The following PAPPA variants were observed in gnomAD, a reference collection of about 807,000 sequenced individuals.
PAPPA encodes pappalysin-1.
A neutral mutation model predicts 164.0 loss-of-function variants in PAPPA; 60 were observed. The observed-to-expected ratio is 0.37, with a 90% CI of 0.30 to 0.45. PAPPA has a LOEUF of 0.45. Ranked by LOEUF, PAPPA falls within the 20% of genes least tolerant of loss-of-function variation. PAPPA has a pLI of 1.00. For synonymous variants in PAPPA, 875 were observed against 814.1 expected (o/e 1.07, Z -1.27); for missense variants, 1,782 against 2,087.3 (o/e 0.85, Z 2.85).
rs548954812 is a variant in PAPPA at position 116,399,112 on chromosome 9, C to G, written c.*2496C>G. ...CCACAGAAGAACCTTACCAGCTTCC[C>G]TCAAATCAGTCCTTATCCTCTTTCT... On this transcript the variant is annotated 3_prime_UTR_variant, in exon 22 of 22. Transcript: ENST00000328252. 3 of 166,158 alleles carry G rather than the reference C, an allele frequency of 1.8e-5. No individual in the cohort carries two copies. Among genetic ancestry groups the G allele is most frequent in the Non-Finnish European group, 3.9e-5 (3 of 77,136 alleles). The allele number at this position is 166,158 out of a possible 1,614,324, so 10.3% of individuals were successfully genotyped here. A position where few individuals can be genotyped will look rare whatever the true frequency, so the allele number is the denominator to read the frequency against.
chr9:116,301,530 G>A (rs1268549151), intron 9 of PAPPA, among the ~76,000 whole-genome samples: 1 of 152,192 alleles, frequency 6.6e-6, no homozygotes, highest in African/African-American at 2.4e-5. Flanking sequence ...GCCACATTGA[G>A]GTTTTTCCTT....
Position 116,154,614 on chromosome 9 carries a change from T to C in PAPPA, c.415+27T>C. On this transcript the variant is annotated intron_variant, in intron 1 of 21. Coordinates refer to ENST00000328252, the MANE Select transcript of PAPPA (RefSeq NM_002581.5). The surrounding 1 kb of genome is among the most constrained non-coding windows in gnomAD (Gnocchi z 5.2). ...TAGGTGAGGGCGCCTCGGCGGGCGC[T>C]GCACCGTCCCTGCGGCCCCAGAGGC... 1.5e-6 allele frequency: 2 copies of C among 1,302,554 alleles called. No individual in the cohort carries two copies. The highest frequency in any genetic ancestry group is 2.0e-6 in the Non-Finnish European group (2 of 1,025,398). 80.7% of individuals were successfully genotyped at this position (1,302,554 alleles called of 1,614,324 possible). A position where few individuals can be genotyped will look rare whatever the true frequency, so the allele number is the denominator to read the frequency against.
At chr9:116,259,020 C>A (rs141507198) in intron 7 of PAPPA, among the ~76,000 whole-genome samples, 1 of 152,038 alleles carries the variant, frequency 6.6e-6, no homozygotes, top group Non-Finnish European at 1.5e-5. Context: ...GTAATCCCAG[C>A]TACTTGGGAG....
At chr9:116,267,881 CAAAAAAAAAAAA>C (rs61670954) in intron 8 of PAPPA, among the ~76,000 whole-genome samples, 13 of 57,596 alleles carry the variant, frequency 2.3e-4, no homozygotes, top group South Asian at 7.7e-4. Context: ...GACTCCGTCT[CAAAAAAAAAAAA>C]AAAAAAAAAA....
chr9:116,367,564 A>C (rs1409941609), intron 18 of PAPPA, 81 bp from the exon 19 acceptor site: 9 of 984,618 alleles, frequency 9.1e-6, no homozygotes, highest in Admixed American at 2.0e-5. Flanking sequence ...AGGGAGTGGG[A>C]GGGCCCACTC....
Position 116,382,483 on chromosome 9 carries a change from A to C in PAPPA, c.4766A>C (p.Lys1589Thr). 1 of 1,611,124 alleles carries C rather than the reference A, an allele frequency of 6.2e-7. No individual in the cohort carries two copies. Among genetic ancestry groups the C allele is most frequent in the Non-Finnish European group, 8.5e-7 (1 of 1,177,318 alleles). ...DGGDCCTSTV[K>T]TKKVTPFPMS... ...GGGGATTGCTGCACCTCCACAGTGA[A>C]GACCAAAAAGGTAGGCCAGTGTGCA... Residue 1589 changes from lysine to threonine, a missense_variant, in exon 21 of 22, where the codon AAG (lysine) becomes ACG (threonine). By Grantham distance (78) the Lys-to-Thr change is moderately conservative. Transcript: ENST00000328252.
intron 2 of PAPPA, among the ~76,000 whole-genome samples, chr9:116,207,066 A>G (rs943842000): frequency 4.6e-5 from 7 of 152,166 alleles, no homozygotes; most frequent in African/African-American, 1.2e-4. Flanking sequence ...GCAGGAAACC[A>G]TCACTAATGT....
chr9:116,340,780 A>G (rs138489070), intron 13 of PAPPA, among the ~76,000 whole-genome samples: 12 of 152,338 alleles, frequency 7.9e-5, no homozygotes, highest in African/African-American at 2.4e-4. Context: ...TCAATGGGTT[A>G]TCCAAATTAT....
intron 10 of PAPPA, among the ~76,000 whole-genome samples, chr9:116,312,912 T>A (rs1335500868): frequency 6.6e-6 from 1 of 151,680 alleles, no homozygotes; most frequent in Non-Finnish European, 1.5e-5. Context: ...TGAAACCTCA[T>A]CTCTACTAAA....
chr9:116,397,769 G>A lies in PAPPA; in HGVS notation c.*1153G>A, dbSNP rs1846985571. On this transcript the variant is annotated 3_prime_UTR_variant, in exon 22 of 22. Coordinates refer to ENST00000328252, the MANE Select transcript of PAPPA (RefSeq NM_002581.5). Reference sequence around the variant, plus strand: ...AAGTGGAACAGTGTTAAATTTCTATGATGTTGGAGCCATCCAGAGACTACT... The same window carrying A: ...AAGTGGAACAGTGTTAAATTTCTATAATGTTGGAGCCATCCAGAGACTACT... The A allele has an allele frequency of 6.6e-6, 1 of 152,626 alleles. No individual in the cohort carries two copies. The highest frequency in any genetic ancestry group is 6.5e-5 in the Admixed American group (1 of 15,282). 9.5% of individuals were successfully genotyped at this position (152,626 alleles called of 1,614,324 possible).
At chr9:116,235,750 C>A in intron 7 of PAPPA, 113 bp downstream of exon 7, 1 of 1,002,992 alleles carries the variant, frequency 1.0e-6, no homozygotes, top group Non-Finnish European at 1.5e-6. Context: ...AAGACTCACT[C>A]TATGGATTGT....
chr9:116,182,037 C>G (rs1843912103), intron 1 of PAPPA, among the ~76,000 whole-genome samples: 1 of 152,218 alleles, frequency 6.6e-6, no homozygotes, highest in Non-Finnish European at 1.5e-5. Context: ...GCCTTTGGCA[C>G]TTAATGTATT....
At position 116,330,260 on chromosome 9, in the gene PAPPA, G is replaced by A. The variant is rs1367832056; in HGVS notation, c.3148-984G>A. The stretch of plus-strand genomic sequence containing the variant: ...ATGACCTTCTACCAAAGACCTCACC[G>A]ATTTCAAGGACAGCTCAGCTGTTCC... On this transcript the variant is annotated intron_variant, in intron 10 of 21. Transcript: ENST00000328252. 4.6e-5 allele frequency among the ~76,000 whole-genome samples: 7 copies of A among 152,106 alleles called. No homozygotes were observed. The South Asian group carries it at 1.2e-3, about 27-fold the overall frequency.
intron 20 of PAPPA, among the ~76,000 whole-genome samples, chr9:116,380,369 G>T (rs1413496600): frequency 1.3e-5 from 2 of 152,130 alleles, no homozygotes. Flanking sequence ...AACATATAGG[G>T]TAGAGTAACT....
At chr9:116,300,940 G>T (rs1564216333) in intron 9 of PAPPA, among the ~76,000 whole-genome samples, 1 of 151,978 alleles carries the variant, frequency 6.6e-6, no homozygotes, top group Non-Finnish European at 1.5e-5. Flanking sequence ...ATCCTGAGAG[G>T]TTTTCCTGGT....
At chr9:116,167,194 C>T (rs1843728079) in intron 1 of PAPPA, among the ~76,000 whole-genome samples, 2 of 152,154 alleles carry the variant, frequency 1.3e-5, no homozygotes, top group South Asian at 4.2e-4. Flanking sequence ...AGGACCAACT[C>T]CCTCAATGCC....
intron 5 of PAPPA, among the ~76,000 whole-genome samples, chr9:116,222,207 T>C (rs552909943): frequency 6.6e-6 from 1 of 152,258 alleles, no homozygotes; most frequent in South Asian, 2.1e-4. Context: ...AGCTAAAATA[T>C]AGAAGCAACC....
intron 10 of PAPPA, among the ~76,000 whole-genome samples, chr9:116,322,850 C>T (rs1316653550): frequency 6.6e-6 from 1 of 152,008 alleles, no homozygotes; most frequent in Non-Finnish European, 1.5e-5. Context: ...CTGTTAGTGT[C>T]AGTATCCATC....
chr9:116,326,620 T>G (rs941246901), intron 10 of PAPPA, among the ~76,000 whole-genome samples: 1 of 152,198 alleles, frequency 6.6e-6, no homozygotes, highest in Non-Finnish European at 1.5e-5. Flanking sequence ...TCTTAACAAA[T>G]TTTTAAGTGT....
Sources: allele counts gnomAD v4.1 joint callset (sites outside exome capture counted in the v4.1 genomes callset), GRCh38; gene constraint gnomAD v4.1.1; non-coding constraint Gnocchi (gnomAD v3.1); transcripts MANE v1.5; gene names NCBI Gene and HGNC (gene_info 2026-07-23, HGNC 2026-07-21).